Variants in PRRG1 observed in about 807,000 individuals in gnomAD.
PRRG1 encodes transmembrane gamma-carboxyglutamic acid protein 1.
In PRRG1, 5 loss-of-function variants were observed where a neutral mutation model predicts 11.8. The ratio of observed to expected loss-of-function variants is 0.42; its 90% CI spans 0.22 to 0.89. PRRG1 has a LOEUF of 0.89. Ranked by LOEUF, PRRG1 falls within the 40% of genes least tolerant of loss-of-function variation. The pLI is 0.28. For synonymous variants in PRRG1, 66 were observed against 60.4 expected (o/e 1.09, Z -0.43); for missense variants, 155 against 166.1 (o/e 0.93, Z 0.37).
intron 1 of PRRG1, among the ~76,000 whole-genome samples, chrX:37,366,776 A>C (rs1231072002): frequency 9.0e-6 from 1 of 111,706 alleles, no homozygotes; most frequent in Non-Finnish European, 1.9e-5. Flanking sequence ...TCTGGGCATA[A>C]TGGAGCCCCC....
At chrX:37,380,587 G>C (rs1196769505) in intron 1 of PRRG1, among the ~76,000 whole-genome samples, 3 of 110,917 alleles carry the variant, frequency 2.7e-5, no homozygotes, top group African/African-American at 9.8e-5. Flanking sequence ...GCTTGATGTA[G>C]AGCTGGGGGA....
intron 1 of PRRG1, among the ~76,000 whole-genome samples, chrX:37,351,495 A>C (rs1241038328): frequency 6.5e-5 from 6 of 92,364 alleles, no homozygotes; most frequent in African/African-American, 2.9e-4. Context: ...ACTCCGTCTC[A>C]AAAAAAAAAA....
chrX:37,398,565 G>C (rs1024567025), intron 1 of PRRG1, among the ~76,000 whole-genome samples: 13 of 112,284 alleles, frequency 1.2e-4, no homozygotes, highest in Admixed American at 5.6e-4. Flanking sequence ...ACTCTAAAAA[G>C]CAGAGCGCCT....
intron 1 of PRRG1, among the ~76,000 whole-genome samples, chrX:37,382,663 C>T (rs1361386205): frequency 9.1e-6 from 1 of 110,246 alleles, no homozygotes; most frequent in East Asian, 2.8e-4. Context: ...ACATAGAATA[C>T]AAACTGGAAT....
At chrX:37,439,059 T>C (rs1556392792) in intron 3 of PRRG1, among the ~76,000 whole-genome samples, 1 of 111,743 alleles carries the variant, frequency 8.9e-6, no homozygotes, top group African/African-American at 3.3e-5. Context: ...ATAAAAGGAA[T>C]TGCAAAAGAA....
chrX:37,424,352 C>A (rs1428262751), intron 2 of PRRG1, among the ~76,000 whole-genome samples: 1 of 110,942 alleles, frequency 9.0e-6, no homozygotes, highest in Admixed American at 9.6e-5. Context: ...AATTTTATAG[C>A]CCTACCTCAG....
chrX:37,434,235 G>T (rs1394741768), intron 3 of PRRG1, among the ~76,000 whole-genome samples: 3 of 112,100 alleles, frequency 2.7e-5, no homozygotes, highest in African/African-American at 9.7e-5. Flanking sequence ...TACCTAATTT[G>T]GAACACAAGT....
chrX:37,430,801 T>C (rs781891080), intron 3 of PRRG1, among the ~76,000 whole-genome samples: 2 of 111,583 alleles, frequency 1.8e-5, no homozygotes, highest in South Asian at 7.7e-4. Flanking sequence ...TGTGTCATTT[T>C]ATCACTTGTA....
intron 1 of PRRG1, among the ~76,000 whole-genome samples, chrX:37,395,376 C>T (rs956628388): frequency 4.5e-5 from 5 of 111,330 alleles, no homozygotes; most frequent in South Asian, 3.8e-4. Context: ...GCACTTTGGG[C>T]GGCCAAGGCG....
chrX:37,441,609 G>T (rs1932980926), intron 3 of PRRG1: 3 of 793,130 alleles, frequency 3.8e-6, no homozygotes, highest in Non-Finnish European at 4.6e-6. Flanking sequence ...ACCTGGAGTT[G>T]CATGCTTCCT....
In PRRG1 at chrX:37,349,381, G is replaced by C. The variant is rs1037206333; in HGVS notation, c.-56G>C. 2 of 112,443 alleles carry C rather than the reference G, an allele frequency of 1.8e-5. No homozygotes were observed. The highest frequency in any genetic ancestry group is 3.8e-5 in the Non-Finnish European group (2 of 53,104). The allele number at this position is 112,443 out of a possible 1,213,427, so 9.3% of individuals were successfully genotyped here. On this transcript the variant is annotated 5_prime_UTR_variant, in exon 1 of 4. Transcript: ENST00000378628. ...TGCGGCTCGCAGAACGGCGAGTAGC[G>C]GAGCGGGACCCGCTGTGAGTGTGGC...
chrX:37,432,890 C>T (rs1255288858), intron 3 of PRRG1, among the ~76,000 whole-genome samples: 2 of 111,763 alleles, frequency 1.8e-5, no homozygotes, highest in Non-Finnish European at 3.8e-5. Flanking sequence ...AATATCTACA[C>T]TTACTACATC....
At chrX:37,417,207 C>T (rs1556385434) in intron 2 of PRRG1, among the ~76,000 whole-genome samples, 1 of 110,861 alleles carries the variant, frequency 9.0e-6, no homozygotes, top group African/African-American at 3.3e-5. Context: ...ATCATAACTA[C>T]TGTATGGTCC....
intron 3 of PRRG1, among the ~76,000 whole-genome samples, chrX:37,451,786 C>G (rs1413501597): frequency 8.9e-6 from 1 of 111,979 alleles, no homozygotes; most frequent in Non-Finnish European, 1.9e-5. Context: ...CTTTAAAAAG[C>G]TATATAACTA....
chrX:37,363,682 T>C (rs1930482211), intron 1 of PRRG1, among the ~76,000 whole-genome samples: 1 of 112,379 alleles, frequency 8.9e-6, no homozygotes, highest in Non-Finnish European at 1.9e-5. Flanking sequence ...GTTTTTTCCT[T>C]TGGATGCCTG....
At chrX:37,356,529 G>A (rs782585081) in intron 1 of PRRG1, among the ~76,000 whole-genome samples, 125 of 110,612 alleles carry the variant, frequency 1.1e-3, no homozygotes, top group African/African-American at 4.0e-3. Context: ...TAAGCAAGAA[G>A]GATTGTGGGA....
rs781831614 is a variant in PRRG1 at position 37,414,482 on chromosome X, G to T, written c.10+8223G>T. Among the ~76,000 whole-genome samples, 6 of 112,011 alleles carry T rather than the reference G, an allele frequency of 5.4e-5. No individual in the cohort carries two copies. In the South Asian group the frequency reaches 2.3e-3, roughly 42 times the overall value. Reference sequence around the variant, plus strand: ...GTGTTCTGGTCAGCAAAATGAAGGGGTTAAGATGGATCAGTGGTTTCCAAT... The same window carrying T: ...GTGTTCTGGTCAGCAAAATGAAGGGTTTAAGATGGATCAGTGGTTTCCAAT... On this transcript the variant is annotated intron_variant, in intron 2 of 3. Transcript: ENST00000378628.
intron 1 of PRRG1, among the ~76,000 whole-genome samples, chrX:37,369,306 G>A (rs1405486116): frequency 9.1e-6 from 1 of 110,286 alleles, no homozygotes; most frequent in Admixed American, 9.6e-5. Flanking sequence ...TAAAATTCTG[G>A]GTTAACATTT....
chrX:37,397,251 C>A (rs1556378481), intron 1 of PRRG1, among the ~76,000 whole-genome samples: 1 of 112,397 alleles, frequency 8.9e-6, no homozygotes, highest in East Asian at 2.8e-4. Flanking sequence ...AAAGTCGATA[C>A]TGAAGTTAAA....
Sources: allele counts gnomAD v4.1 joint callset (sites outside exome capture counted in the v4.1 genomes callset), GRCh38; gene constraint gnomAD v4.1.1; transcripts MANE v1.5; gene names NCBI Gene and HGNC (gene_info 2026-07-23, HGNC 2026-07-21).